Variants in OPA1 observed in about 807,000 individuals in gnomAD.
The protein encoded by OPA1 is OPA1 mitochondrial dynamin like GTPase, also known as dynamin-like GTPase OPA1, mitochondrial.
OPA1 carries 59 observed loss-of-function variants against 152.9 expected under a neutral mutation model. The ratio of observed to expected loss-of-function variants is 0.39; its 90% CI spans 0.31 to 0.48. The LOEUF is 0.48. OPA1 is among the 20% of genes least tolerant of loss of function. OPA1 has a pLI of 0.96. For synonymous variants in OPA1, 400 were observed against 389.9 expected, an observed-to-expected ratio of 1.03 and a Z score of -0.31; for missense variants, 1,008 against 1,216.8, an observed-to-expected ratio of 0.83 and a Z score of 2.55.
intron 6 of OPA1, chr3:193,624,099 T>C (rs912560393): frequency 6.6e-6 from 1 of 152,630 alleles, no homozygotes; most frequent in Admixed American, 6.5e-5. Context: ...CAGTTGTGTA[T>C]ATACATAAGC....
intron 1 of OPA1, among the ~76,000 whole-genome samples, chr3:193,593,919 C>A (rs958939304): frequency 2.6e-5 from 4 of 152,074 alleles, no homozygotes; most frequent in Non-Finnish European, 4.4e-5. Context: ...TTCCCTAGCC[C>A]GCTGATAGAA....
At chr3:193,634,731 T>C (rs1039044581) in intron 8 of OPA1, among the ~76,000 whole-genome samples, 5 of 152,116 alleles carry the variant, frequency 3.3e-5, no homozygotes, top group Non-Finnish European at 7.4e-5. Context: ...GAAATAGTAA[T>C]ATATTATCTC....
chr3:193,679,401 G>A (rs985409624), intron 29 of OPA1, among the ~76,000 whole-genome samples: 5 of 152,066 alleles, frequency 3.3e-5, no homozygotes, highest in African/African-American at 9.7e-5. Context: ...CTAGGATCTG[G>A]CCCTCACATT....
intron 1 of OPA1, among the ~76,000 whole-genome samples, chr3:193,609,858 G>A (rs566125606): frequency 2.0e-5 from 3 of 152,138 alleles, no homozygotes; most frequent in East Asian, 3.9e-4. Context: ...CATCCGTCAC[G>A]TAGTTCTCGT....
chr3:193,619,539 T>C (rs1306413019), intron 6 of OPA1: 1 of 152,404 alleles, frequency 6.6e-6, no homozygotes, highest in Admixed American at 6.5e-5. Context: ...ATGAAAGTTA[T>C]AGGAGAATTG....
At chr3:193,668,460 G>A in intron 29 of OPA1, 1 of 1,550,554 alleles carries the variant, frequency 6.4e-7, no homozygotes, top group East Asian at 2.4e-5. Flanking sequence ...CTTTTACTGA[G>A]CTCTGCTCTG....
At chr3:193,678,993 C>G (rs1160818401) in intron 29 of OPA1, among the ~76,000 whole-genome samples, 1 of 151,928 alleles carries the variant, frequency 6.6e-6, no homozygotes, top group East Asian at 1.9e-4. Context: ...AAATAATGGC[C>G]CAGGCATGCA....
At chr3:193,622,313 C>T (rs1730269803) in intron 6 of OPA1, among the ~76,000 whole-genome samples, 1 of 143,444 alleles carries the variant, frequency 7.0e-6, no homozygotes, top group Admixed American at 7.3e-5. Flanking sequence ...ACTGCAACCT[C>T]TGCCTCCCGG....
intron 29 of OPA1, chr3:193,668,262 GTCC>G: frequency 7.3e-7 from 1 of 1,361,726 alleles, no homozygotes. Context: ...ATTTTGGTCA[GTCC>G]TCCTATACGT....
Position 193,635,645 on chromosome 3 carries a change from TTGGAGGA to T in OPA1, c.948+132_948+138del, listed in dbSNP as rs1402940269. The T allele has an allele frequency of 8.7e-6, 6 of 689,906 alleles. No homozygotes were observed. The African/African-American group carries it at 1.1e-4, about 12-fold the overall frequency. The allele number at this position is 689,906 out of a possible 1,614,324, so 42.7% of individuals were successfully genotyped here. A position where few individuals can be genotyped will look rare whatever the true frequency, so the allele number is the denominator to read the frequency against. On this transcript the variant is annotated intron_variant, in intron 9 of 30. Transcript: ENST00000361510. ...TCCTTTTCTTTCTAACCTAATGTGCTTGGAGGATGGAGGATCTCTTCCTATATTAAGA... is the reference window on the plus strand; with the variant it reads ...TCCTTTTCTTTCTAACCTAATGTGCTTGGAGGATCTCTTCCTATATTAAGA...
chr3:193,629,165 G>A (rs1473014305), intron 7 of OPA1, among the ~76,000 whole-genome samples: 4 of 151,740 alleles, frequency 2.6e-5, no homozygotes, highest in South Asian at 2.1e-4. Context: ...CGCCTGCCTC[G>A]GCCTCCCAGA....
At position 193,617,268 on chromosome 3, in the gene OPA1, A is replaced by C. The variant is rs780451120; in HGVS notation, c.539A>C (p.Lys180Thr). The change falls in exon 4 of 31, where the codon AAG becomes ACG. Residue 180 changes from lysine to threonine, a missense_variant. Lys to Thr is a moderately conservative substitution (Grantham distance 78). Coordinates refer to ENST00000361510, the MANE Select transcript of OPA1 (RefSeq NM_130837.3). ...ATTGTTGAAAGCCTTAGCTTATTGA[A>C]GGACTTTTTTACCTCAGGTAAGGAA... The part of the protein sequence containing the change: ...DKIVESLSLL[K>T]DFFTSGHKLV... 1 of 1,609,782 alleles carries C rather than the reference A, an allele frequency of 6.2e-7. No homozygotes were observed. The highest frequency in any genetic ancestry group is 1.3e-5 in the African/African-American group (1 of 74,958).
chr3:193,665,075 G>A (rs1716205599), intron 27 of OPA1, 79 bp downstream of exon 27: 2 of 808,114 alleles, frequency 2.5e-6, no homozygotes, highest in Non-Finnish European at 4.3e-6. Context: ...TTTAGCTTAA[G>A]CATTAATTTT....
intron 8 of OPA1, among the ~76,000 whole-genome samples, chr3:193,635,111 T>C (rs192035061): frequency 5.1e-4 from 77 of 152,364 alleles, no homozygotes; most frequent in African/African-American, 1.7e-3. Context: ...CTAGAATGTA[T>C]TTAAGAACTA....
At chr3:193,607,539 T>G (rs1727482556) in intron 1 of OPA1, among the ~76,000 whole-genome samples, 1 of 152,250 alleles carries the variant, frequency 6.6e-6, no homozygotes, top group Non-Finnish European at 1.5e-5. Flanking sequence ...CCCCGTTTCT[T>G]GTTTTTGTCA....
At chr3:193,675,385 AAG>A (rs1718779982) in intron 29 of OPA1, among the ~76,000 whole-genome samples, 1 of 150,824 alleles carries the variant, frequency 6.6e-6, no homozygotes. Flanking sequence ...GGGTGTCCCG[AAG>A]AGAACGTGTG....
intron 29 of OPA1, among the ~76,000 whole-genome samples, chr3:193,676,491 A>G (rs1719002238): frequency 6.6e-6 from 1 of 152,218 alleles, no homozygotes; most frequent in African/African-American, 2.4e-5. Flanking sequence ...AACAAACAAA[A>G]AAACCTGAGT....
chr3:193,660,825 C>G (rs1715097926), intron 25 of OPA1, among the ~76,000 whole-genome samples: 1 of 152,074 alleles, frequency 6.6e-6, no homozygotes. Context: ...TATCTCTGCT[C>G]TACAGATGGG....
intron 25 of OPA1, among the ~76,000 whole-genome samples, chr3:193,662,208 C>G (rs889348414): frequency 3.3e-5 from 5 of 152,076 alleles, no homozygotes; most frequent in Non-Finnish European, 7.4e-5. Flanking sequence ...AAGTTTTCCT[C>G]CTTTGGTAAA....
Sources: allele counts gnomAD v4.1 joint callset (sites outside exome capture counted in the v4.1 genomes callset), GRCh38; gene constraint gnomAD v4.1.1; transcripts MANE v1.5; gene names NCBI Gene and HGNC (gene_info 2026-07-23, HGNC 2026-07-21).